Variants in DHX36 observed in about 807,000 individuals in gnomAD.
The protein encoded by DHX36 is DEAH-box helicase 36.
In DHX36, 50 loss-of-function variants were observed where a neutral mutation model predicts 139.0. The ratio of observed to expected loss-of-function variants is 0.36; its 90% CI spans 0.29 to 0.46. The LOEUF (loss-of-function observed/expected upper bound fraction) is 0.46. Among genes scored for constraint, DHX36 ranks in the 20% least tolerant of loss-of-function variants. The pLI, the probability that DHX36 is intolerant of heterozygous loss-of-function variation, is 1.00. For synonymous variants in DHX36, 425 were observed against 401.9 expected (o/e 1.06, Z -0.69); for missense variants, 1,024 against 1,211.3 (o/e 0.85, Z 2.29).
intron 19 of DHX36, among the ~76,000 whole-genome samples, 180 bp downstream of exon 19, chr3:154,284,403 A>G (rs550741669): frequency 6.6e-6 from 1 of 151,776 alleles, no homozygotes; most frequent in African/African-American, 2.4e-5. Context: ...CTGGTCTCAA[A>G]CTCCTGACTT....
chr3:154,292,835 G>T, intron 14 of DHX36, 141 bp from the exon 15 acceptor site: 2 of 1,356,326 alleles, frequency 1.5e-6, no homozygotes, highest in Non-Finnish European at 1.9e-6. Context: ...TACATCAAAT[G>T]ATTTTAGCCA....
chr3:154,295,149 CAAAG>C (rs990098243), intron 13 of DHX36, 131 bp downstream of exon 13: 15 of 537,382 alleles, frequency 2.8e-5, no homozygotes, highest in Non-Finnish European at 4.3e-5. Flanking sequence ...CAAAGGTTCT[CAAAG>C]AAGTATTTTT....
chr3:154,284,726 A>G, intron 18 of DHX36, 57 bp from the exon 19 acceptor site: 1 of 1,591,908 alleles, frequency 6.3e-7, no homozygotes, highest in Non-Finnish European at 8.6e-7. Flanking sequence ...ATGGAGAATG[A>G]CATTCTAATA....
At chr3:154,295,461 CATT>C (rs1712003536) in intron 12 of DHX36, 122 bp from the exon 13 acceptor site, 2 of 456,036 alleles carry the variant, frequency 4.4e-6, no homozygotes, top group African/African-American at 4.1e-5. Context: ...AGACATTGAA[CATT>C]ATTTAATGAA....
intron 13 of DHX36, among the ~76,000 whole-genome samples, chr3:154,294,470 T>C (rs141743561): frequency 2.8e-4 from 42 of 152,314 alleles, no homozygotes; most frequent in African/African-American, 9.4e-4. Flanking sequence ...GCTATTCACA[T>C]ACTCTCCAGC....
chr3:154,322,177 T>C (rs1713213574), intron 1 of DHX36, among the ~76,000 whole-genome samples: 1 of 152,160 alleles, frequency 6.6e-6, no homozygotes, highest in Admixed American at 6.5e-5. Context: ...TATATCAGAC[T>C]GGAGACATGG....
intron 17 of DHX36, among the ~76,000 whole-genome samples, chr3:154,285,989 T>C (rs917350941): frequency 1.3e-5 from 2 of 151,730 alleles, no homozygotes; most frequent in African/African-American, 4.8e-5. Context: ...AAGTTAGGTT[T>C]ACTCTAAAAA....
intron 1 of DHX36, among the ~76,000 whole-genome samples, chr3:154,316,687 G>T (rs560662124): frequency 6.6e-6 from 1 of 151,950 alleles, no homozygotes; most frequent in Admixed American, 6.6e-5. Context: ...TGTGGCAAAT[G>T]ACGCAGTTGC....
intron 17 of DHX36, among the ~76,000 whole-genome samples, chr3:154,288,313 A>G (rs570924748): frequency 9.2e-5 from 14 of 152,256 alleles, no homozygotes; most frequent in African/African-American, 2.2e-4. Context: ...TTCACAAAAT[A>G]GGCAAAACTG....
intron 4 of DHX36, among the ~76,000 whole-genome samples, chr3:154,310,652 C>T (rs907318201): frequency 6.7e-6 from 1 of 149,806 alleles, no homozygotes; most frequent in Non-Finnish European, 1.5e-5. Context: ...GTGGTGGGTG[C>T]CTGTAACCCC....
chr3:154,310,815 A>ATATATATGTG (rs1712722748), intron 4 of DHX36, among the ~76,000 whole-genome samples: 1 of 23,130 alleles, frequency 4.3e-5, no homozygotes, highest in African/African-American at 2.1e-4. Context: ...AAATATATAT[A>ATATATATGTG]TATATATATA....
chr3:154,307,284 A>G lies in DHX36; in HGVS notation c.814-989T>C, dbSNP rs113012995. On this transcript the variant is annotated intron_variant, in intron 5 of 24. Transcript: ENST00000496811. ...AAAAATAGACAAATGGGAATTAACT[A>G]AGAAGTTTCTACACAACAAAAGAAA... is the stretch of plus-strand genomic sequence containing the variant. Among the ~76,000 whole-genome samples, 259 of 152,308 alleles carry G rather than the reference A, an allele frequency of 1.7e-3. 2 individuals carry two copies. Among genetic ancestry groups the G allele is most frequent in the African/African-American group, 6.0e-3 (249 of 41,584 alleles).
chr3:154,297,513 C>A (rs1286449050), intron 12 of DHX36, among the ~76,000 whole-genome samples: 1 of 152,088 alleles, frequency 6.6e-6, no homozygotes, highest in Non-Finnish European at 1.5e-5. Flanking sequence ...GAGTTCAAGA[C>A]CAACCTGGCT....
At position 154,275,978 on chromosome 3, in the gene DHX36, G is replaced by GTA. The variant is rs35550732; in HGVS notation, c.*191_*192dup. 4,736 of 310,476 alleles carry GTA rather than the reference G, an allele frequency of 0.015. 45 individuals carry two copies. The highest frequency in any genetic ancestry group is 0.034 in the South Asian group (248 of 7,316). 19.2% of individuals were successfully genotyped at this position (310,476 alleles called of 1,614,324 possible). A position where few individuals can be genotyped will look rare whatever the true frequency, so the allele number is the denominator to read the frequency against. On this transcript the variant is annotated 3_prime_UTR_variant, in exon 25 of 25. Transcript: ENST00000496811. ...GATCAGAGAACATATTGCTTTTATGGTATATATATATATATATATATATCT... is the reference window on the plus strand; with the variant it reads ...GATCAGAGAACATATTGCTTTTATGGTATATATATATATATATATATATATCT...
At chr3:154,319,955 G>C (rs545764732) in intron 1 of DHX36, among the ~76,000 whole-genome samples, 1 of 152,022 alleles carries the variant, frequency 6.6e-6, no homozygotes, top group Admixed American at 6.6e-5. Context: ...AAAACTACTG[G>C]AAAATGTTCC....
At chr3:154,324,106 A>T in intron 1 of DHX36, 68 bp downstream of exon 1, 1 of 1,467,884 alleles carries the variant, frequency 6.8e-7, no homozygotes, top group East Asian at 2.4e-5. Context: ...ACCAAGAAAA[A>T]GGGGGCAGCG....
At chr3:154,322,728 T>TTAGCTGGGA (rs1713239894) in intron 1 of DHX36, among the ~76,000 whole-genome samples, 1 of 152,208 alleles carries the variant, frequency 6.6e-6, no homozygotes, top group Non-Finnish European at 1.5e-5. Context: ...TTTTCATCTG[T>TTAGCTGGGA]TTAGGTATTA....
At chr3:154,319,255 C>T (rs1461833481) in intron 1 of DHX36, 5 of 152,094 alleles carry the variant, frequency 3.3e-5, no homozygotes, top group Non-Finnish European at 7.4e-5. Context: ...TTCCCACTTT[C>T]TTGGACATTC....
In DHX36 at chr3:154,299,892, C is replaced by A. The variant is rs1712198162; in HGVS notation, c.1495G>T (p.Asp499Tyr). 6.2e-7 allele frequency: 1 copy of A among 1,613,492 alleles called. No individual in the cohort carries two copies. The highest frequency in any genetic ancestry group is 1.3e-5 in the African/African-American group (1 of 74,864). The change falls in exon 12 of 25, where the codon GAC becomes TAC. Residue 499 changes from aspartate to tyrosine, a missense_variant. Asp to Tyr is a radical substitution (Grantham distance 160, BLOSUM62 -3). Coordinates refer to ENST00000496811, the MANE Select transcript of DHX36 (RefSeq NM_020865.3). ...GAILVFLPGW[D>Y]NISTLHDLLM... is the part of the protein sequence containing the mutation. ...AGATCATGTAAAGTGCTGATATTGTCCCAGCCTGGCAGAAAGACCAGTATC... is the reference window on the plus strand; with the variant it reads ...AGATCATGTAAAGTGCTGATATTGTACCAGCCTGGCAGAAAGACCAGTATC...
Sources: allele counts gnomAD v4.1 joint callset (sites outside exome capture counted in the v4.1 genomes callset), GRCh38; gene constraint gnomAD v4.1.1; transcripts MANE v1.5; gene names NCBI Gene and HGNC (gene_info 2026-07-23, HGNC 2026-07-21).